NIM1K: variants seen among roughly 807,000 people sequenced by gnomAD.
The protein encoded by NIM1K is NIM1 serine/threonine protein kinase.
In NIM1K, 35 loss-of-function variants were observed where a neutral mutation model predicts 37.1. The observed-to-expected ratio is 0.94, with a 90% CI of 0.72 to 1.25. NIM1K has a LOEUF of 1.25. Ranked by LOEUF, NIM1K falls within the 50% of genes most tolerant of loss-of-function variation. The pLI is 0.00. For synonymous variants in NIM1K, 234 were observed against 206.6 expected (o/e 1.13, Z -1.14); for missense variants, 564 against 548.0 (o/e 1.03, Z -0.29).
intron 1 of NIM1K, among the ~76,000 whole-genome samples, chr5:43,223,188 A>G (rs1752406411): frequency 6.6e-6 from 1 of 151,804 alleles, no homozygotes; most frequent in Non-Finnish European, 1.5e-5. Flanking sequence ...ACATTCAGGA[A>G]ATAACTATAT....
At chr5:43,211,188 A>T (rs530913744) in intron 1 of NIM1K, among the ~76,000 whole-genome samples, 1 of 152,158 alleles carries the variant, frequency 6.6e-6, no homozygotes, top group Non-Finnish European at 1.5e-5. Context: ...GAAAAAGAAA[A>T]GAAAGAGGAA....
At chr5:43,239,330 C>T (rs987527051) in intron 1 of NIM1K, among the ~76,000 whole-genome samples, 2 of 151,422 alleles carry the variant, frequency 1.3e-5, no homozygotes, top group African/African-American at 4.9e-5. Flanking sequence ...CTCAGCTTCC[C>T]GGGTTCAAGC....
chr5:43,227,965 T>A (rs988713998), intron 1 of NIM1K, among the ~76,000 whole-genome samples: 1 of 152,144 alleles, frequency 6.6e-6, no homozygotes, highest in African/African-American at 2.4e-5. Context: ...TGGCTCAAGG[T>A]CACAAAGACA....
rs544088150 is a variant in NIM1K at position 43,249,180 on chromosome 5, C to A, written c.292+3113C>A. Among the ~76,000 whole-genome samples, 79 of 152,010 alleles carry A rather than the reference C, an allele frequency of 5.2e-4. 2 individuals carry two copies. Among genetic ancestry groups the A allele is most frequent in the Admixed American group, 5.2e-3 (79 of 15,252 alleles). On this transcript the variant is annotated intron_variant, in intron 2 of 3. Coordinates refer to ENST00000326035, the MANE Select transcript of NIM1K (RefSeq NM_153361.4). The stretch of plus-strand genomic sequence containing the variant: ...CGCCTCCCAGGTTCATGCCATTCTC[C>A]TGCCTCAGCTTCCCGAGTAGCTGGG...
rs61734290 is a variant in NIM1K, at chr5:43,280,216, T to G, written c.798T>G (p.Thr266=). 56 of 1,614,190 alleles carry G rather than the reference T, an allele frequency of 3.5e-5. No individual in the cohort carries two copies. The highest frequency in any genetic ancestry group is 1.6e-4 in the Middle Eastern group (1 of 6,062). ...GGGTGCTTTTGTACTTCATGGTGAC[T>G]GGCACCATGCCATTTCGGGCAGAAA... The part of the protein sequence containing the change: ...ALGVLLYFMV[T]GTMPFRAETV... Residue 266 remains threonine (T), a synonymous_variant, in exon 4 of 4, where the codon ACT becomes ACG. Transcript: ENST00000326035.
intron 1 of NIM1K, among the ~76,000 whole-genome samples, chr5:43,223,368 G>C (rs772445312): frequency 7.2e-5 from 11 of 152,062 alleles, no homozygotes; most frequent in Non-Finnish European, 1.2e-4. Context: ...GGATTAAATA[G>C]TTAATACACA....
chr5:43,277,356 TC>T, intron 3 of NIM1K, 31 bp downstream of exon 3: 1 of 1,600,754 alleles, frequency 6.2e-7, no homozygotes, highest in Non-Finnish European at 8.5e-7. Flanking sequence ...AGAACCTTGC[TC>T]CCATTGCACT....
chr5:43,236,391 G>A (rs894545462), intron 1 of NIM1K, among the ~76,000 whole-genome samples: 2 of 152,098 alleles, frequency 1.3e-5, no homozygotes, highest in Non-Finnish European at 2.9e-5. Flanking sequence ...TGAGGCAGAA[G>A]GATTTCTTGA....
intron 1 of NIM1K, among the ~76,000 whole-genome samples, chr5:43,227,289 G>A (rs1468717421): frequency 6.6e-6 from 1 of 152,166 alleles, no homozygotes; most frequent in African/African-American, 2.4e-5. Context: ...GAACCTGGGA[G>A]GCAGAGGTTG....
Position 43,205,466 on chromosome 5 carries a change from C to T in NIM1K, c.-695+13055C>T, listed in dbSNP as rs373768053. On this transcript the variant is annotated intron_variant, in intron 1 of 3. Coordinates refer to ENST00000326035, the MANE Select transcript of NIM1K (RefSeq NM_153361.4). ...CTAACACCAACTAAAACAATGGCTA[C>T]TTCCATCTGGGTGTGATGGCTCATG... 1.9e-3 allele frequency among the ~76,000 whole-genome samples: 296 copies of T among 152,262 alleles called. 2 individuals carry two copies. Among genetic ancestry groups the T allele is most frequent in the African/African-American group, 6.7e-3 (280 of 41,544 alleles).
intron 2 of NIM1K, among the ~76,000 whole-genome samples, chr5:43,248,596 C>T (rs575980746): frequency 2.0e-4 from 30 of 152,054 alleles, no homozygotes; most frequent in Admixed American, 4.6e-4. Flanking sequence ...TCCAGAGAAA[C>T]GGCACCAATA....
intron 1 of NIM1K, among the ~76,000 whole-genome samples, chr5:43,244,021 C>G (rs994430972): frequency 3.3e-5 from 5 of 152,204 alleles, no homozygotes; most frequent in African/African-American, 1.2e-4. Flanking sequence ...TTCTCTCTAT[C>G]CAGAAATAGG....
In NIM1K at chr5:43,254,351, T is replaced by C. The variant is rs559551151; in HGVS notation, c.292+8284T>C. On this transcript the variant is annotated intron_variant, in intron 2 of 3. Transcript: ENST00000326035. ...CTGACTTGGAGGTATATGGAATTCA[T>C]GAAATGAATGGGTCTAGCAGCTTTC... Among the ~76,000 whole-genome samples the C allele has an allele frequency of 2.5e-4, 38 of 152,230 alleles. No individual in the cohort carries two copies. In the Middle Eastern group the frequency reaches 0.014, roughly 55 times the overall value.
intron 2 of NIM1K, among the ~76,000 whole-genome samples, chr5:43,248,937 T>A (rs1208476914): frequency 6.6e-6 from 1 of 151,770 alleles, no homozygotes; most frequent in Non-Finnish European, 1.5e-5. Flanking sequence ...TGCAATGGCG[T>A]GATCTCAGCT....
At chr5:43,256,966 C>T (rs1464635094) in intron 2 of NIM1K, among the ~76,000 whole-genome samples, 1 of 152,150 alleles carries the variant, frequency 6.6e-6, no homozygotes, top group East Asian at 1.9e-4. Context: ...CTGGCTCTGT[C>T]CGAACCCAAA....
intron 2 of NIM1K, among the ~76,000 whole-genome samples, chr5:43,276,105 G>A (rs932755196): frequency 6.6e-6 from 1 of 152,098 alleles, no homozygotes; most frequent in Non-Finnish European, 1.5e-5. Flanking sequence ...ATGTTGGCCA[G>A]GCTGGTCTCA....
In NIM1K at chr5:43,278,469, C is replaced by T. The variant is rs559886004; in HGVS notation, c.561+1144C>T. Among the ~76,000 whole-genome samples, 80 of 152,292 alleles carry T rather than the reference C, an allele frequency of 5.3e-4. 2 individuals carry two copies. Among genetic ancestry groups the T allele is most frequent in the Admixed American group, 1.7e-3 (26 of 15,304 alleles). On this transcript the variant is annotated intron_variant, in intron 3 of 3. Coordinates refer to ENST00000326035, the MANE Select transcript of NIM1K (RefSeq NM_153361.4). ...TGCCTCCTTAATTTTGGCCGTATTGCGGGCCATACAGGAGGAACCTGACTT... is the reference window on the plus strand; with the variant it reads ...TGCCTCCTTAATTTTGGCCGTATTGTGGGCCATACAGGAGGAACCTGACTT...
intron 2 of NIM1K, among the ~76,000 whole-genome samples, chr5:43,256,036 A>G (rs1458801862): frequency 1.3e-5 from 2 of 152,044 alleles, no homozygotes; most frequent in Non-Finnish European, 2.9e-5. Context: ...TGTCAAAGTA[A>G]GAAGTTTGGC....
chr5:43,238,279 T>C (rs534294091), intron 1 of NIM1K, among the ~76,000 whole-genome samples: 34 of 151,320 alleles, frequency 2.2e-4, no homozygotes, highest in African/African-American at 7.6e-4. Flanking sequence ...CCTGACCTTG[T>C]GATCTGCCCG....
Sources: allele counts gnomAD v4.1 joint callset (sites outside exome capture counted in the v4.1 genomes callset), GRCh38; gene constraint gnomAD v4.1.1; transcripts MANE v1.5; gene names NCBI Gene and HGNC (gene_info 2026-07-23, HGNC 2026-07-21).